KIF11: variants seen among roughly 807,000 people sequenced by gnomAD.
KIF11 encodes the protein kinesin-like protein KIF11.
A neutral mutation model predicts 121.0 loss-of-function variants in KIF11; 9 were observed. The ratio of observed to expected loss-of-function variants is 0.07; its 90% CI spans 0.04 to 0.13. The LOEUF (loss-of-function observed/expected upper bound fraction) is 0.13, where lower values mean the gene tolerates loss of function less well. Among genes scored for constraint, KIF11 ranks in the 10% least tolerant of loss-of-function variants. KIF11 has a pLI of 1.00. For missense variants in KIF11, 846 were observed against 1,217.5 expected (o/e 0.69, Z 4.54); for synonymous variants, 408 against 421.0 (o/e 0.97, Z 0.38).
chr10:92,619,055 T>G (rs981923155), intron 9 of KIF11, among the ~76,000 whole-genome samples: 4 of 152,090 alleles, frequency 2.6e-5, no homozygotes, highest in African/African-American at 9.7e-5. Flanking sequence ...CTCACTCTGT[T>G]GCCCAGGCTG....
intron 11 of KIF11, 47 bp from the exon 12 acceptor site, chr10:92,630,129 A>C: frequency 1.1e-6 from 1 of 938,932 alleles, no homozygotes; most frequent in Non-Finnish European, 1.5e-6. Context: ...TGAACTAGCT[A>C]GATATCCTAC....
rs751695120 is a variant in KIF11 at position 92,650,388 on chromosome 10, TTTC to T, written c.2923-7_2923-5del. The T allele has an allele frequency of 5.3e-6, 8 of 1,514,368 alleles. No individual in the cohort carries two copies. In the African/African-American group the frequency reaches 6.9e-5, roughly 13 times the overall value. The allele number at this position is 1,514,368 out of a possible 1,614,324, so 93.8% of individuals were successfully genotyped here. ...CCCTTGGACTTAGTCACTCATCCAG[TTTC>T]TTCTTTTAGGATGTGGATGTAGAAG... On this transcript the variant is annotated splice_polypyrimidine_tract_variant and intron_variant, in intron 20 of 21. Transcript: ENST00000260731.
intron 1 of KIF11, among the ~76,000 whole-genome samples, chr10:92,595,490 T>C (rs1199554991): frequency 6.6e-6 from 1 of 152,212 alleles, no homozygotes; most frequent in Non-Finnish European, 1.5e-5. Context: ...TACAGATCCC[T>C]ACATAATGCG....
At chr10:92,600,900 G>A (rs1002872858) in intron 1 of KIF11, among the ~76,000 whole-genome samples, 4 of 149,592 alleles carry the variant, frequency 2.7e-5, no homozygotes, top group Admixed American at 2.0e-4. Flanking sequence ...TCGCTCTGTC[G>A]CCCAGGCTGG....
chr10:92,641,878 A>G (rs905554782), intron 17 of KIF11, among the ~76,000 whole-genome samples: 9 of 152,146 alleles, frequency 5.9e-5, no homozygotes, highest in African/African-American at 2.2e-4. Context: ...GGGAAATTCT[A>G]TTGATCTGTC....
chr10:92,596,225 C>G (rs1004649333), intron 1 of KIF11, among the ~76,000 whole-genome samples: 1 of 152,146 alleles, frequency 6.6e-6, no homozygotes. Context: ...GGATGGTCTC[C>G]ATCTCCTGAC....
At chr10:92,630,505 A>C in intron 12 of KIF11, 141 bp downstream of exon 12, 1 of 483,910 alleles carries the variant, frequency 2.1e-6, no homozygotes. Flanking sequence ...TTACTATTTC[A>C]TCCATGTTTT....
At chr10:92,637,655 C>A in intron 16 of KIF11, 110 bp downstream of exon 16, 3 of 983,714 alleles carry the variant, frequency 3.0e-6, no homozygotes, top group Non-Finnish European at 3.0e-6. Context: ...AAAGCTGAAA[C>A]CTGAAAATAC....
At chr10:92,605,901 C>T (rs11187092) in intron 1 of KIF11, among the ~76,000 whole-genome samples, 16,477 of 152,110 alleles carry the variant, frequency 0.11, 1,072 homozygotes, top group South Asian at 0.17. Context: ...ATACTAGCAC[C>T]TTGGGAAGCT....
At chr10:92,625,201 TTAA>T (rs1392778486) in intron 10 of KIF11, among the ~76,000 whole-genome samples, 3 of 152,200 alleles carry the variant, frequency 2.0e-5, no homozygotes, top group African/African-American at 7.2e-5. Flanking sequence ...TTTTGACTTT[TTAA>T]TAATAGCCAT....
Position 92,605,560 on chromosome 10 carries a change from C to T in KIF11, c.78-705C>T, listed in dbSNP as rs565494751. 2.8e-5 allele frequency among the ~76,000 whole-genome samples: 4 copies of T among 141,866 alleles called. No individual in the cohort carries two copies. In the South Asian group the frequency reaches 6.6e-4, roughly 23 times the overall value. 93.1% of individuals were successfully genotyped at this position (141,866 alleles called of 152,430 possible). On this transcript the variant is annotated intron_variant, in intron 1 of 21. Coordinates refer to ENST00000260731, the MANE Select transcript of KIF11 (RefSeq NM_004523.4). ...GGAGTGCAATGGCGCGATCTTGGCT[C>T]ACCGCAACCTCCACCTCCCAGGTTC...
At position 92,613,626 on chromosome 10, in the gene KIF11, C is replaced by G; in HGVS notation, c.1032+7C>G. The stretch of plus-strand genomic sequence containing the variant: ...TGCATCTCTCAATCTTGAGGTAAGC[C>G]CTTTGAAAGGAAGCTGCAAGTGTAG... On this transcript the variant is annotated splice_region_variant and intron_variant, in intron 8 of 21. Transcript: ENST00000260731. The surrounding 1 kb of genome is among the most constrained non-coding windows in gnomAD (Gnocchi z 4.2). 1 of 1,600,048 alleles carries G rather than the reference C, an allele frequency of 6.2e-7. No homozygotes were observed. Among genetic ancestry groups the G allele is most frequent in the Non-Finnish European group, 8.5e-7 (1 of 1,174,340 alleles).
intron 21 of KIF11, among the ~76,000 whole-genome samples, chr10:92,652,368 G>T (rs11187116): frequency 6.6e-6 from 1 of 151,836 alleles, no homozygotes; most frequent in Non-Finnish European, 1.5e-5. Context: ...TTGAACTCCC[G>T]ACCTCAGGTG....
intron 10 of KIF11, among the ~76,000 whole-genome samples, chr10:92,627,833 G>T (rs999108722): frequency 5.3e-5 from 8 of 152,130 alleles, no homozygotes; most frequent in Non-Finnish European, 1.0e-4. Flanking sequence ...TTTCTGAGAA[G>T]ATTTGCCCAG....
At chr10:92,625,949 C>G (rs1384762582) in intron 10 of KIF11, among the ~76,000 whole-genome samples, 1 of 152,152 alleles carries the variant, frequency 6.6e-6, no homozygotes, top group East Asian at 1.9e-4. Context: ...AATGGAAAAA[C>G]TTTCCATGCT....
chr10:92,649,697 A>G, intron 19 of KIF11, 138 bp from the exon 20 acceptor site: 1 of 580,212 alleles, frequency 1.7e-6, no homozygotes, highest in Non-Finnish European at 3.1e-6. Context: ...TCTGACAGGT[A>G]GCAAGACTGA....
chr10:92,633,973 ATTTTG>A (rs767310414), intron 14 of KIF11, among the ~76,000 whole-genome samples, 178 bp downstream of exon 14: 7 of 151,896 alleles, frequency 4.6e-5, no homozygotes, highest in South Asian at 2.1e-4. Context: ...ATATATATAT[ATTTTG>A]TTTTGTTTTG....
At chr10:92,594,547 C>G (rs1229717375) in intron 1 of KIF11, among the ~76,000 whole-genome samples, 1 of 152,118 alleles carries the variant, frequency 6.6e-6, no homozygotes, top group Non-Finnish European at 1.5e-5. Context: ...TAAAACCAGG[C>G]AATATTACCT....
At position 92,606,385 on chromosome 10, in the gene KIF11, C is replaced by T. The variant is rs2135900586; in HGVS notation, c.198C>T (p.Tyr66=). The part of the protein sequence containing the change: ...GLADKSSRKT[Y]TFDMVFGAST... ...CTGACAAGAGCTCAAGGAAAACATA[C>T]ACTTTTGATATGGTAACATATGGTG... Residue 66 remains tyrosine, a synonymous_variant, in exon 2 of 22, where the codon TAC becomes TAT. Coordinates refer to ENST00000260731, the MANE Select transcript of KIF11 (RefSeq NM_004523.4). 1 of 1,607,084 alleles carries T rather than the reference C, an allele frequency of 6.2e-7. No individual in the cohort carries two copies.
Sources: gnomAD v4.1 joint callset for allele counts (sites outside exome capture counted in the v4.1 genomes callset) on GRCh38, gnomAD v4.1.1 for gene constraint, Gnocchi (gnomAD v3.1) non-coding constraint, MANE v1.5 for transcripts, NCBI Gene and HGNC (gene_info 2026-07-23, HGNC 2026-07-21) for gene names.